Variants in COL19A1 observed in about 807,000 individuals in gnomAD.
The protein encoded by COL19A1 is collagen alpha-1(XIX) chain.
A neutral mutation model predicts 190.2 loss-of-function variants in COL19A1; 159 were observed. The observed-to-expected ratio is 0.84, with a 90% confidence interval of 0.73 to 0.95. The LOEUF is 0.95. Ranked by LOEUF, COL19A1 falls within the 40% of genes least tolerant of loss-of-function variation. The probability of loss-of-function intolerance (pLI) is 0.00; values close to 1 mark genes in which losing one functional copy is unlikely to be tolerated. For missense variants in COL19A1, 1,418 were observed against 1,431.9 expected (o/e 0.99, Z 0.16); for synonymous variants, 509 against 458.9 (o/e 1.11, Z -1.39).
At chr6:70,110,780 G>A (rs904020098) in intron 16 of COL19A1, among the ~76,000 whole-genome samples, 1 of 152,120 alleles carries the variant, frequency 6.6e-6, no homozygotes, top group African/African-American at 2.4e-5. Flanking sequence ...TACTAATAGT[G>A]GTAACATTAT....
intron 16 of COL19A1, among the ~76,000 whole-genome samples, chr6:70,111,258 G>A (rs1254944548): frequency 6.6e-6 from 1 of 152,128 alleles, no homozygotes; most frequent in East Asian, 1.9e-4. Flanking sequence ...AGTTTTCTCT[G>A]CACATCAGTA....
intron 15 of COL19A1, among the ~76,000 whole-genome samples, chr6:70,092,920 G>A (rs1452469220): frequency 5.3e-5 from 8 of 152,014 alleles, no homozygotes; most frequent in Non-Finnish European, 7.4e-5. Context: ...CCTGTTTCAC[G>A]GGCTTAGCCT....
intron 14 of COL19A1, among the ~76,000 whole-genome samples, chr6:70,063,069 G>C (rs12196689): frequency 0.38 from 57,204 of 151,852 alleles, 11,649 homozygotes; most frequent in Non-Finnish European, 0.44. Context: ...TTAGACAGAT[G>C]AATGAGACAG....
At position 70,052,215 on chromosome 6, in the gene COL19A1, G is replaced by A. The variant is rs180906549; in HGVS notation, c.1171-16208G>A. On this transcript the variant is annotated intron_variant, in intron 14 of 50. Transcript: ENST00000620364. Reference sequence around the variant, plus strand: ...GTAGTCTTTATCTTTTTTTATTTAGGACCATGTCAAGGAATAAGAATATCC... The same window carrying A: ...GTAGTCTTTATCTTTTTTTATTTAGAACCATGTCAAGGAATAAGAATATCC... 3.2e-4 allele frequency among the ~76,000 whole-genome samples: 49 copies of A among 152,106 alleles called. 1 individual carries two copies. The highest frequency in any genetic ancestry group is 1.2e-3 in the African/African-American group (48 of 41,526).
chr6:70,073,696 A>AT (rs1781692033), intron 15 of COL19A1, among the ~76,000 whole-genome samples: 1 of 152,146 alleles, frequency 6.6e-6, no homozygotes, highest in African/African-American at 2.4e-5. Context: ...TAACTTGATA[A>AT]TAAAATTAAG....
intron 4 of COL19A1, among the ~76,000 whole-genome samples, chr6:69,918,586 G>A (rs898440985): frequency 1.3e-5 from 2 of 151,974 alleles, no homozygotes; most frequent in Non-Finnish European, 2.9e-5. Flanking sequence ...CGTGCCTATG[G>A]TCCCAGCTAC....
chr6:70,046,717 A>G (rs1252680753), intron 14 of COL19A1, among the ~76,000 whole-genome samples: 1 of 152,158 alleles, frequency 6.6e-6, no homozygotes, highest in African/African-American at 2.4e-5. Context: ...AGATTTTACC[A>G]TGTCTTGCCT....
chr6:69,982,769 G>T (rs999485016), intron 11 of COL19A1, among the ~76,000 whole-genome samples: 1 of 150,260 alleles, frequency 6.7e-6, no homozygotes, highest in African/African-American at 2.4e-5. Context: ...TCAGGAGATC[G>T]AGACCATCCT....
intron 48 of COL19A1, among the ~76,000 whole-genome samples, chr6:70,192,110 G>T (rs1350591174): frequency 1.3e-5 from 2 of 152,068 alleles, no homozygotes; most frequent in Non-Finnish European, 2.9e-5. Context: ...ACCCAGGCTG[G>T]AGTGCAATGA....
intron 11 of COL19A1, among the ~76,000 whole-genome samples, chr6:69,985,685 CTG>C (rs1220268443): frequency 2.6e-5 from 4 of 152,260 alleles, no homozygotes; most frequent in East Asian, 3.9e-4. Flanking sequence ...GTCTAAAAAA[CTG>C]TGAAAATTTT....
At chr6:69,935,928 C>T (rs765453302) in intron 7 of COL19A1, among the ~76,000 whole-genome samples, 43 of 151,706 alleles carry the variant, frequency 2.8e-4, no homozygotes, top group Non-Finnish European at 5.2e-4. Context: ...AGTAGAAAAC[C>T]ACAGATAATA....
At chr6:70,117,750 A>G (rs1024314224) in intron 16 of COL19A1, among the ~76,000 whole-genome samples, 5 of 152,242 alleles carry the variant, frequency 3.3e-5, no homozygotes, top group Non-Finnish European at 7.3e-5. Flanking sequence ...CAGATGTCCT[A>G]TATCTCCCAA....
rs191220708 is a variant in COL19A1 at position 69,896,792 on chromosome 6, T to C, written c.92-2156T>C. 2.4e-3 allele frequency among the ~76,000 whole-genome samples: 369 copies of C among 152,306 alleles called. 1 individual carries two copies. Among genetic ancestry groups the C allele is most frequent in the African/African-American group, 8.5e-3 (355 of 41,564 alleles). ...GTTGAACATTTGGATATTCTCTTTT[T>C]TGAAGTGTTTAAATCTTTTTGCACA... is the stretch of plus-strand genomic sequence containing the variant. On this transcript the variant is annotated intron_variant, in intron 2 of 50. Transcript: ENST00000620364.
intron 23 of COL19A1, 142 bp downstream of exon 23, chr6:70,142,962 ACCT>A: frequency 1.5e-6 from 1 of 671,026 alleles, no homozygotes; most frequent in Non-Finnish European, 2.5e-6. Context: ...AACTGATCAT[ACCT>A]AATGTCAGGA....
chr6:69,882,578 A>G (rs1219756427), intron 2 of COL19A1, among the ~76,000 whole-genome samples: 1 of 152,236 alleles, frequency 6.6e-6, no homozygotes, highest in Non-Finnish European at 1.5e-5. Context: ...TCATCATAAA[A>G]AGCAATAAGA....
At chr6:70,121,286 C>T (rs1042595325) in intron 16 of COL19A1, among the ~76,000 whole-genome samples, 1 of 152,174 alleles carries the variant, frequency 6.6e-6, no homozygotes, top group South Asian at 2.1e-4. Context: ...TTCCTATCCA[C>T]TCCAAGCCCA....
intron 11 of COL19A1, among the ~76,000 whole-genome samples, chr6:70,022,640 G>A (rs542728165): frequency 3.2e-4 from 49 of 152,274 alleles, no homozygotes; most frequent in African/African-American, 1.1e-3. Flanking sequence ...AGTGGTATTA[G>A]TGACCATTCT....
intron 4 of COL19A1, among the ~76,000 whole-genome samples, chr6:69,902,801 A>G (rs1261095400): frequency 6.6e-6 from 1 of 152,188 alleles, no homozygotes; most frequent in Non-Finnish European, 1.5e-5. Flanking sequence ...CCAAGGAGTA[A>G]CTTGGAAATT....
intron 14 of COL19A1, among the ~76,000 whole-genome samples, chr6:70,054,177 C>G (rs913614323): frequency 1.3e-5 from 2 of 152,150 alleles, no homozygotes; most frequent in African/African-American, 4.8e-5. Flanking sequence ...TGGCAAAACT[C>G]CGTCTCTACT....
Sources: allele counts gnomAD v4.1 joint callset (sites outside exome capture counted in the v4.1 genomes callset), GRCh38; gene constraint gnomAD v4.1.1; transcripts MANE v1.5; gene names NCBI Gene and HGNC (gene_info 2026-07-23, HGNC 2026-07-21).